The following PAK3 variants were observed in gnomAD, a reference collection of about 807,000 sequenced individuals.
PAK3 encodes p21 (RAC1) activated kinase 3.
Under a neutral mutation model 41.0 loss-of-function variants are expected in PAK3, and 4 were observed. The observed-to-expected ratio is 0.10, with a 90% CI of 0.05 to 0.22. The LOEUF (loss-of-function observed/expected upper bound fraction) is 0.22, where lower values mean the gene tolerates loss of function less well. PAK3 is among the 10% of genes least tolerant of loss of function. The probability of loss-of-function intolerance (pLI) is 1.00; values close to 1 mark genes in which losing one functional copy is unlikely to be tolerated. For missense variants in PAK3, 205 were observed against 409.9 expected (o/e 0.50, Z 4.32); for synonymous variants, 146 against 139.6 (o/e 1.05, Z -0.32).
At chrX:111,097,133 T>C (rs1379165877) in intron 1 of PAK3, among the ~76,000 whole-genome samples, 1 of 109,073 alleles carries the variant, frequency 9.2e-6, no homozygotes, top group African/African-American at 3.4e-5. Context: ...TTGGGTCCAC[T>C]GCCTCTCCTT....
intron 1 of PAK3, among the ~76,000 whole-genome samples, chrX:110,994,505 T>C (rs1463608228): frequency 9.0e-6 from 1 of 111,358 alleles, no homozygotes; most frequent in South Asian, 3.8e-4. Flanking sequence ...AGAACTGCCT[T>C]GCCATTGGGC....
chrX:111,048,499 C>T (rs1303655701), intron 1 of PAK3, among the ~76,000 whole-genome samples: 2 of 111,444 alleles, frequency 1.8e-5, no homozygotes, highest in African/African-American at 6.5e-5. Flanking sequence ...TTTATCATGG[C>T]CAAAAACACC....
intron 11 of PAK3, among the ~76,000 whole-genome samples, chrX:111,177,758 C>T (rs1338933638): frequency 2.7e-5 from 3 of 111,496 alleles, no homozygotes; most frequent in Admixed American, 1.9e-4. Flanking sequence ...TGTGTAATTC[C>T]TGAATAAGCA....
At chrX:111,108,705 C>G (rs1457008515) in intron 4 of PAK3, among the ~76,000 whole-genome samples, 1 of 111,888 alleles carries the variant, frequency 8.9e-6, no homozygotes, top group Non-Finnish European at 1.9e-5. Flanking sequence ...TACCTGATGC[C>G]AAAAAAGGTT....
At chrX:111,016,780 A>AAGAAGAGAGG (rs1401170249) in intron 1 of PAK3, among the ~76,000 whole-genome samples, 2 of 106,804 alleles carry the variant, frequency 1.9e-5, no homozygotes, top group African/African-American at 6.8e-5. Context: ...GGGAGGGGAG[A>AAGAAGAGAGG]AGAAGAGAGG....
chrX:111,131,748 T>C (rs769097705), intron 5 of PAK3, among the ~76,000 whole-genome samples: 197 of 112,149 alleles, frequency 1.8e-3, no homozygotes, highest in Non-Finnish European at 3.2e-3. Context: ...ACAGAGCAGA[T>C]GTCTCAGGGA....
At chrX:111,048,903 A>C (rs2148786115) in intron 1 of PAK3, among the ~76,000 whole-genome samples, 1 of 112,106 alleles carries the variant, frequency 8.9e-6, no homozygotes, top group Non-Finnish European at 1.9e-5. Context: ...AAATCAGATC[A>C]TGTCACTCAT....
rs755263531 is a variant in PAK3, at chrX:111,221,836, C to A, written c.*1389C>A. ...GCATATTCATAAATGTCTTGAAATT[C>A]TCTCCAGTGGAAAATAATTTTAACT... On this transcript the variant is annotated 3_prime_UTR_variant, in exon 18 of 18. Coordinates refer to ENST00000372007, the MANE Select transcript of PAK3 (RefSeq NM_002578.5). 2.7e-5 allele frequency: 3 copies of A among 111,882 alleles called. No individual in the cohort carries two copies. The highest frequency in any genetic ancestry group is 5.7e-5 in the Non-Finnish European group (3 of 53,084). 9.2% of individuals were successfully genotyped at this position (111,882 alleles called of 1,213,427 possible).
intron 1 of PAK3, among the ~76,000 whole-genome samples, chrX:111,023,178 G>A (rs1385873409): frequency 9.0e-6 from 1 of 111,448 alleles, no homozygotes; most frequent in Non-Finnish European, 1.9e-5. Flanking sequence ...TGCTGAGAAT[G>A]TTGGTTTCCA....
At chrX:111,038,630 G>A (rs1326333283) in intron 1 of PAK3, among the ~76,000 whole-genome samples, 1 of 111,859 alleles carries the variant, frequency 8.9e-6, no homozygotes, top group Non-Finnish European at 1.9e-5. Context: ...ACATTGCCCA[G>A]GTCAGAATCC....
intron 1 of PAK3, among the ~76,000 whole-genome samples, chrX:111,034,152 A>G (rs1205192867): frequency 9.0e-6 from 1 of 111,593 alleles, no homozygotes; most frequent in Non-Finnish European, 1.9e-5. Flanking sequence ...GTGAAACTGA[A>G]GGATGGCTTA....
chrX:111,216,967 A>C, intron 17 of PAK3: 1 of 751,529 alleles, frequency 1.3e-6, no homozygotes, highest in Non-Finnish European at 1.6e-6. Context: ...TTGCTGGTCA[A>C]AGCCCCTTTG....
At chrX:111,208,565 C>A (rs2094781589) in intron 16 of PAK3, among the ~76,000 whole-genome samples, 1 of 112,065 alleles carries the variant, frequency 8.9e-6, no homozygotes, top group African/African-American at 3.2e-5. Flanking sequence ...GCACTAGTCA[C>A]CTACAGTATT....
intron 1 of PAK3, among the ~76,000 whole-genome samples, chrX:111,045,447 GTTTC>G (rs1219609790): frequency 1.8e-5 from 2 of 111,957 alleles, no homozygotes; most frequent in Non-Finnish European, 3.8e-5. Context: ...ATGGTTATGG[GTTTC>G]TTTTTCATTT....
At chrX:111,081,774 C>T (rs1472575020) in intron 1 of PAK3, among the ~76,000 whole-genome samples, 1 of 110,341 alleles carries the variant, frequency 9.1e-6, no homozygotes, top group Non-Finnish European at 1.9e-5. Flanking sequence ...AGAATTTTTC[C>T]TGACAGATGA....
At chrX:111,184,396 C>G (rs2094489189) in intron 11 of PAK3, among the ~76,000 whole-genome samples, 1 of 108,838 alleles carries the variant, frequency 9.2e-6, no homozygotes, top group African/African-American at 3.4e-5. Context: ...CTGCGTGACA[C>G]TGACTTTTTT....
At chrX:111,211,791 C>G (rs1442336400) in intron 16 of PAK3, among the ~76,000 whole-genome samples, 4 of 110,921 alleles carry the variant, frequency 3.6e-5, no homozygotes, top group African/African-American at 1.3e-4. Context: ...TTTTGGGGAG[C>G]ACAGTTTGAA....
At chrX:111,061,504 A>G (rs929087254) in intron 1 of PAK3, among the ~76,000 whole-genome samples, 1 of 111,929 alleles carries the variant, frequency 8.9e-6, no homozygotes, top group African/African-American at 3.2e-5. Context: ...TCGCTTGTCA[A>G]ACCTTAGGAA....
At chrX:111,172,228 C>T (rs888118604) in intron 10 of PAK3, among the ~76,000 whole-genome samples, 2 of 111,214 alleles carry the variant, frequency 1.8e-5, no homozygotes, top group African/African-American at 3.3e-5. Flanking sequence ...ATTGATATAA[C>T]GTTTGGTATT....
Sources: gnomAD v4.1 joint callset for allele counts (sites outside exome capture counted in the v4.1 genomes callset) on GRCh38, gnomAD v4.1.1 for gene constraint, MANE v1.5 for transcripts, NCBI Gene and HGNC (gene_info 2026-07-23, HGNC 2026-07-21) for gene names.